The following BRAF variants were observed in gnomAD, a reference collection of about 807,000 sequenced individuals.
BRAF encodes the protein B-Raf proto-oncogene, serine/threonine kinase, also known as serine/threonine-protein kinase B-raf.
A neutral mutation model predicts 104.6 loss-of-function variants in BRAF; 16 were observed. That is an observed-to-expected ratio of 0.15 (90% CI 0.10 to 0.23). The LOEUF (loss-of-function observed/expected upper bound fraction) is 0.23. Among genes scored for constraint, BRAF ranks in the 10% least tolerant of loss-of-function variants. The probability of loss-of-function intolerance (pLI) is 1.00; values close to 1 mark genes in which losing one functional copy is unlikely to be tolerated. For missense variants in BRAF, 541 were observed against 937.3 expected (o/e 0.58, Z 5.52); for synonymous variants, 310 against 341.6 (o/e 0.91, Z 1.02).
intron 3 of BRAF, chr7:140,834,347 C>A: frequency 1.7e-6 from 1 of 580,398 alleles, no homozygotes; most frequent in Non-Finnish European, 3.0e-6. Context: ...TTATTTTAAA[C>A]TAGTGCTTAG....
intron 8 of BRAF, among the ~76,000 whole-genome samples, chr7:140,790,420 C>T (rs1397231420): frequency 6.6e-6 from 1 of 152,182 alleles, no homozygotes; most frequent in Non-Finnish European, 1.5e-5. Context: ...AGTTCCTTCT[C>T]TTACTTACAT....
rs765215499 is a variant in BRAF, at chr7:140,781,670, C to A, written c.1458G>T (p.Ser486=). The A allele has an allele frequency of 2.5e-6, 4 of 1,613,968 alleles. No homozygotes were observed. The highest frequency in any genetic ancestry group is 1.1e-5 in the South Asian group (1 of 91,058). ...NRMKTLGRRD[S]SDDWEIPDGQ... is the part of the protein sequence containing the mutation. ...CATCAGGAATCTCCCAATCATCACT[C>A]GAGTCCCGTCTACCAAGTGTTTTCT... Residue 486 remains serine (S), a synonymous_variant, in exon 12 of 20, where the codon TCG becomes TCT. Coordinates refer to ENST00000644969, the MANE Select transcript of BRAF (RefSeq NM_001374258.1).
intron 6 of BRAF, 163 bp downstream of exon 6, chr7:140,801,249 C>T: frequency 1.5e-6 from 1 of 682,512 alleles, no homozygotes; most frequent in African/African-American, 1.8e-5. Context: ...GAGAGAAATA[C>T]TGTCCATTCC....
intron 10 of BRAF, among the ~76,000 whole-genome samples, chr7:140,784,514 A>C (rs2129028009): frequency 6.6e-6 from 1 of 152,336 alleles, no homozygotes; most frequent in South Asian, 2.1e-4. Context: ...ATTTTCTGAG[A>C]AACAGCAGGG....
chr7:140,792,243 C>A (rs1340302885), intron 8 of BRAF, among the ~76,000 whole-genome samples: 2 of 152,186 alleles, frequency 1.3e-5, no homozygotes, highest in African/African-American at 4.8e-5. Context: ...ACATTATTGA[C>A]AGTCCTGCCT....
chr7:140,716,506 T>A (rs1223910405), downstream of BRAF, among the ~76,000 whole-genome samples: 1 of 152,210 alleles, frequency 6.6e-6, no homozygotes, highest in Non-Finnish European at 1.5e-5. Flanking sequence ...ATAGAAAAAC[T>A]TCCAGATAGA....
At chr7:140,856,446 A>C (rs1234958699) in intron 1 of BRAF, among the ~76,000 whole-genome samples, 3 of 152,228 alleles carry the variant, frequency 2.0e-5, no homozygotes, top group Non-Finnish European at 4.4e-5. Context: ...AAAGCTAATA[A>C]ATTGCAGACC....
At chr7:140,883,014 G>GTAAGTAAA (rs1813121042) in intron 1 of BRAF, among the ~76,000 whole-genome samples, 1 of 148,664 alleles carries the variant, frequency 6.7e-6, no homozygotes, top group African/African-American at 2.5e-5. Context: ...ATAAAATAAA[G>GTAAGTAAA]TAAATAAATA....
Position 140,730,492 on chromosome 7 carries a change from C to T in BRAF, c.2402-3976G>A, listed in dbSNP as rs1585914766. Among the ~76,000 whole-genome samples, 3 of 151,964 alleles carry T rather than the reference C, an allele frequency of 2.0e-5. No homozygotes were observed. In the East Asian group the frequency reaches 5.8e-4, roughly 29 times the overall value. On this transcript the variant is annotated intron_variant, in intron 19 of 19. Transcript: ENST00000644969. ...AAGCAATTCTTGTGCCTCAGCCTCC[C>T]AAGTAGCTGGACTACAGGTGCACAC...
chr7:140,886,761 C>T (rs540609415), intron 1 of BRAF, among the ~76,000 whole-genome samples: 34 of 152,196 alleles, frequency 2.2e-4, no homozygotes, highest in African/African-American at 5.5e-4. Context: ...TCAGAATTTG[C>T]GTGTGTGTGT....
At chr7:140,733,426 T>A (rs1337609594) in intron 19 of BRAF, 1 of 152,244 alleles carries the variant, frequency 6.6e-6, no homozygotes, top group South Asian at 2.1e-4. Context: ...AAATCTTTGA[T>A]AGGACCACGT....
intron 7 of BRAF, among the ~76,000 whole-genome samples, chr7:140,795,200 G>A (rs181278041): frequency 5.3e-5 from 8 of 152,286 alleles, no homozygotes; most frequent in Non-Finnish European, 1.0e-4. Context: ...ACCTATTTCG[G>A]TATGGTAGCT....
intron 3 of BRAF, among the ~76,000 whole-genome samples, chr7:140,821,023 C>T (rs1480367821): frequency 6.6e-6 from 1 of 152,140 alleles, no homozygotes; most frequent in Non-Finnish European, 1.5e-5. Context: ...TTTTTTAAGA[C>T]AGGGACTCAC....
intron 8 of BRAF, among the ~76,000 whole-genome samples, chr7:140,789,025 A>T (rs1801674951): frequency 6.6e-6 from 1 of 151,780 alleles, no homozygotes; most frequent in African/African-American, 2.4e-5. Context: ...CCTGGTCAAC[A>T]TGGTGAAACA....
Position 140,720,073 on chromosome 7 carries a change from G to C in BRAF, c.*6421C>G, listed in dbSNP as rs1795249156. 3.8e-6 allele frequency: 4 copies of C among 1,060,554 alleles called. No individual in the cohort carries two copies. Among genetic ancestry groups the C allele is most frequent in the Non-Finnish European group, 4.6e-6 (4 of 876,332 alleles). 65.7% of individuals were successfully genotyped at this position (1,060,554 alleles called of 1,614,324 possible). A position where few individuals can be genotyped will look rare whatever the true frequency, so the allele number is the denominator to read the frequency against. ...TTCCTTTTTCTTGGTCTAAACCAAA[G>C]AGCAATGACAACTACTGAATAAAAT... is the stretch of plus-strand genomic sequence containing the variant. On this transcript the variant is annotated 3_prime_UTR_variant, in exon 20 of 20. Coordinates refer to ENST00000644969, the MANE Select transcript of BRAF (RefSeq NM_001374258.1).
chr7:140,745,413 A>C (rs1797271058), intron 17 of BRAF, among the ~76,000 whole-genome samples: 2 of 152,230 alleles, frequency 1.3e-5, no homozygotes, highest in South Asian at 2.1e-4. Context: ...AGAAAGCAGG[A>C]AACTTTCAGT....
At chr7:140,842,864 G>A (rs1443334060) in intron 2 of BRAF, among the ~76,000 whole-genome samples, 1 of 152,162 alleles carries the variant, frequency 6.6e-6, no homozygotes, top group Non-Finnish European at 1.5e-5. Context: ...GAACTGAAAA[G>A]ATGGCTTTTA....
intron 3 of BRAF, among the ~76,000 whole-genome samples, chr7:140,827,855 T>C (rs561104957): frequency 2.8e-4 from 42 of 152,362 alleles, no homozygotes; most frequent in African/African-American, 9.6e-4. Flanking sequence ...ATTAGCATTG[T>C]TGTGTTCCAA....
intron 5 of BRAF, 39 bp from the exon 6 acceptor site, chr7:140,801,599 A>G: frequency 6.3e-7 from 1 of 1,597,384 alleles, no homozygotes. Flanking sequence ...AAAAACTCAC[A>G]AGAAAACTTT....
Sources: gnomAD v4.1 joint callset for allele counts (sites outside exome capture counted in the v4.1 genomes callset) on GRCh38, gnomAD v4.1.1 for gene constraint, MANE v1.5 for transcripts, NCBI Gene and HGNC (gene_info 2026-07-23, HGNC 2026-07-21) for gene names.